RANBP2: variants seen among roughly 807,000 people sequenced by gnomAD.
RANBP2 encodes RAN binding protein 2.
A neutral mutation model predicts 303.6 loss-of-function variants in RANBP2; 57 were observed. The observed-to-expected ratio is 0.19, with a 90% CI of 0.15 to 0.23. The LOEUF (loss-of-function observed/expected upper bound fraction) is 0.23, where lower values mean the gene tolerates loss of function less well. RANBP2 is among the 10% of genes least tolerant of loss of function. The pLI is 1.00. For missense variants in RANBP2, 3,138 were observed against 3,780.8 expected (o/e 0.83, Z 4.46); for synonymous variants, 1,167 against 1,301.5 (o/e 0.90, Z 2.23).
At chr2:109,499,103 G>A in the RANBP2 span, among the ~76,000 whole-genome samples, 586 of 152,302 alleles carry the variant, frequency 3.8e-3, 5 homozygotes, top group African/African-American at 0.013. Context: ...AGTCCAAGCA[G>A]GGTGAAAGCA....
chr2:109,387,936 C>G, the RANBP2 span, among the ~76,000 whole-genome samples: 3 of 152,080 alleles, frequency 2.0e-5, no homozygotes, highest in Non-Finnish European at 4.4e-5. Flanking sequence ...CCACACTGGC[C>G]CAGATTCCCA....
the RANBP2 span, chr2:108,882,449 T>C: frequency 6.6e-6 from 1 of 152,164 alleles, no homozygotes; most frequent in Non-Finnish European, 1.5e-5. Context: ...GTCAGATCCT[T>C]TTCTATGCTA....
the RANBP2 span, among the ~76,000 whole-genome samples, chr2:109,632,121 G>C: frequency 1.3e-5 from 2 of 152,260 alleles, no homozygotes; most frequent in East Asian, 3.9e-4. Context: ...GGGCCTCCTG[G>C]TTGGTGAACA....
the RANBP2 span, chr2:109,432,522 C>A: frequency 6.2e-7 from 1 of 1,613,582 alleles, no homozygotes; most frequent in Non-Finnish European, 8.5e-7. Context: ...TCTACGCCTA[C>A]AAGCCCCAGA....
the RANBP2 span, among the ~76,000 whole-genome samples, chr2:108,973,151 T>C: frequency 3.9e-5 from 6 of 152,288 alleles, no homozygotes; most frequent in South Asian, 1.2e-3. Context: ...CATGTCCCAC[T>C]AATTTTTTGT....
chr2:109,267,273 T>C, the RANBP2 span, among the ~76,000 whole-genome samples: 1 of 152,140 alleles, frequency 6.6e-6, no homozygotes, highest in Admixed American at 6.5e-5. Flanking sequence ...CATAGCTTCC[T>C]GTTAGGTCTG....
chr2:109,444,157 A>G, the RANBP2 span, among the ~76,000 whole-genome samples: 1 of 152,220 alleles, frequency 6.6e-6, no homozygotes, highest in African/African-American at 2.4e-5. Flanking sequence ...TAACCCATAT[A>G]TTAAAGAACA....
At chr2:109,564,318 T>C in the RANBP2 span, 1 of 1,439,798 alleles carries the variant, frequency 6.9e-7, no homozygotes, top group East Asian at 2.4e-5. Context: ...AAATATGCAA[T>C]CCTCTCTAAC....
At position 108,765,106 on chromosome 2, in the gene RANBP2, T is replaced by A; in HGVS notation, c.4567T>A (p.Phe1523Ile). ...TATTCCAACACCTGCCTCTTTTAAG[T>A]TTGGTACTTCAGAGACAAGTAAAAC... The part of the protein sequence containing the change: ...TSIPTPASFK[F>I]GTSETSKTLK... Residue 1523 changes from phenylalanine (F) to isoleucine (I), a missense_variant, in exon 20 of 29, where the codon TTT becomes ATT. Coordinates refer to ENST00000283195, the MANE Select transcript of RANBP2 (RefSeq NM_006267.5). 6.2e-7 allele frequency: 1 copy of A among 1,613,970 alleles called. No homozygotes were observed. Among genetic ancestry groups the A allele is most frequent in the Non-Finnish European group, 8.5e-7 (1 of 1,179,958 alleles).
the RANBP2 span, among the ~76,000 whole-genome samples, chr2:108,988,410 A>G: frequency 6.6e-6 from 1 of 152,100 alleles, no homozygotes; most frequent in Admixed American, 6.5e-5. Flanking sequence ...CTCAATCATC[A>G]CAAATAGGTA....
At chr2:108,816,045 T>TA in the RANBP2 span, 44 of 1,613,532 alleles carry the variant, frequency 2.7e-5, no homozygotes, top group Middle Eastern at 4.9e-4. Context: ...GAATGGATGG[T>TA]AAAAAACCAC....
the RANBP2 span, chr2:108,882,340 G>A: frequency 2.0e-5 from 3 of 152,058 alleles, no homozygotes; most frequent in Admixed American, 6.6e-5. Flanking sequence ...TGTAAAAAAC[G>A]CAATATCTCT....
chr2:108,953,871 A>G, the RANBP2 span, among the ~76,000 whole-genome samples: 1 of 152,206 alleles, frequency 6.6e-6, no homozygotes, highest in Non-Finnish European at 1.5e-5. Context: ...GTGAAGTTGA[A>G]CCAGACAGGT....
At chr2:109,148,469 A>C in the RANBP2 span, among the ~76,000 whole-genome samples, 125 of 152,292 alleles carry the variant, frequency 8.2e-4, 2 homozygotes, top group African/African-American at 2.8e-3. Flanking sequence ...ACTGTGTACA[A>C]ATTTCTGCAC....
At chr2:108,744,961 C>T (rs1453445741) in intron 7 of RANBP2, among the ~76,000 whole-genome samples, 2 of 152,004 alleles carry the variant, frequency 1.3e-5, no homozygotes, top group African/African-American at 4.8e-5. Context: ...TACTTTATTT[C>T]CATTAACTGT....
At chr2:109,134,330 GA>G in the RANBP2 span, among the ~76,000 whole-genome samples, 8 of 152,160 alleles carry the variant, frequency 5.3e-5, no homozygotes, top group African/African-American at 1.9e-4. Context: ...GACTCCAGAG[GA>G]AAAGGCTGGC....
the RANBP2 span, among the ~76,000 whole-genome samples, chr2:109,620,477 G>A: frequency 2.6e-5 from 4 of 152,222 alleles, no homozygotes; most frequent in Non-Finnish European, 5.9e-5. Context: ...CGAGGCAGGA[G>A]CATCGCCTGA....
chr2:108,845,764 G>T, the RANBP2 span, among the ~76,000 whole-genome samples: 1 of 151,898 alleles, frequency 6.6e-6, no homozygotes, highest in Non-Finnish European at 1.5e-5. Flanking sequence ...GTAGAGATGG[G>T]GTTTCACCAT....
the RANBP2 span, among the ~76,000 whole-genome samples, chr2:109,539,473 G>A: frequency 3.3e-5 from 5 of 151,938 alleles, no homozygotes; most frequent in South Asian, 4.2e-4. Flanking sequence ...TTTTTGAGGC[G>A]GATTCTGTCA....
Sources: gnomAD v4.1 joint callset for allele counts (sites outside exome capture counted in the v4.1 genomes callset) on GRCh38, gnomAD v4.1.1 for gene constraint, MANE v1.5 for transcripts, NCBI Gene and HGNC (gene_info 2026-07-23, HGNC 2026-07-21) for gene names.